The following TNNI3K variants were observed in gnomAD, a reference collection of about 807,000 sequenced individuals.
TNNI3K encodes TNNI3 interacting kinase, also known as serine/threonine-protein kinase TNNI3K.
Under a neutral mutation model 114.5 loss-of-function variants are expected in TNNI3K, and 140 were observed. That is an observed-to-expected ratio of 1.22 (90% CI 1.07 to 1.41). The LOEUF (loss-of-function observed/expected upper bound fraction) is 1.41, where lower values mean the gene tolerates loss of function less well. Among genes scored for constraint, TNNI3K ranks in the 40% most tolerant of loss-of-function variants. The probability of loss-of-function intolerance (pLI) is 0.00; values close to 1 mark genes in which losing one functional copy is unlikely to be tolerated. For synonymous variants in TNNI3K, 347 were observed against 347.5 expected (o/e 1.00, Z 0.02); for missense variants, 1,125 against 1,007.6 (o/e 1.12, Z -1.58).
intron 4 of TNNI3K, among the ~76,000 whole-genome samples, chr1:74,265,019 A>G (rs1411410130): frequency 6.6e-6 from 1 of 152,054 alleles, no homozygotes; most frequent in African/African-American, 2.4e-5. Flanking sequence ...AATTATTAGC[A>G]GCTGAAGGGT....
At chr1:74,242,648 T>G (rs1654314817) in intron 2 of TNNI3K, among the ~76,000 whole-genome samples, 1 of 152,100 alleles carries the variant, frequency 6.6e-6, no homozygotes, top group African/African-American at 2.4e-5. Flanking sequence ...TTTTGCCAAT[T>G]AGCCACAAAA....
chr1:74,359,511 T>TGTG (rs1308878085), intron 11 of TNNI3K, among the ~76,000 whole-genome samples: 4 of 152,004 alleles, frequency 2.6e-5, no homozygotes, highest in African/African-American at 9.7e-5. Context: ...TAAAAGTGTG[T>TGTG]GTTGTTTTGT....
chr1:74,355,018 C>G (rs1474592675), intron 11 of TNNI3K, among the ~76,000 whole-genome samples: 1 of 152,074 alleles, frequency 6.6e-6, no homozygotes, highest in East Asian at 1.9e-4. Flanking sequence ...TCTCCATATA[C>G]ACATACACTC....
intron 11 of TNNI3K, 77 bp downstream of exon 11, chr1:74,354,206 A>G: frequency 6.3e-7 from 1 of 1,576,690 alleles, no homozygotes; most frequent in South Asian, 1.2e-5. Flanking sequence ...ATCAATAATT[A>G]CTTTGCTTGC....
At chr1:74,439,293 G>A (rs2100669209) in intron 19 of TNNI3K, 197 bp from the exon 20 acceptor site, 2 of 683,414 alleles carry the variant, frequency 2.9e-6, no homozygotes, top group South Asian at 5.9e-5. Context: ...GAACTGAACA[G>A]CCACAGTAAA....
chr1:74,533,373 C>T (rs1343902025), intron 23 of TNNI3K, among the ~76,000 whole-genome samples: 1 of 152,178 alleles, frequency 6.6e-6, no homozygotes, highest in East Asian at 1.9e-4. Context: ...TACCATCTCA[C>T]ACCAGTTAGA....
rs1646710297 is a variant in TNNI3K at position 74,540,248 on chromosome 1, C to T, written c.2366C>T (p.Ser789Phe). 1 of 1,612,234 alleles carries T rather than the reference C, an allele frequency of 6.2e-7. No homozygotes were observed. The highest frequency in any genetic ancestry group is 8.5e-7 in the Non-Finnish European group (1 of 1,178,932). The change falls in exon 24 of 25, where the codon TCC becomes TTC. Residue 789 changes from serine to phenylalanine, a missense_variant. Ser to Phe is a radical substitution (Grantham distance 155). Transcript: ENST00000326637. ...TAATTTTCCAGTGCTGGACAATATT[C>T]CTCTCAAGGTCTGTCTTTGGAGGAG... is the stretch of plus-strand genomic sequence containing the variant. ...AALSQSAGQY[S>F]SQGLSLEEMK... is the part of the protein sequence containing the mutation.
At chr1:74,400,548 CT>C (rs1432364772) in intron 17 of TNNI3K, among the ~76,000 whole-genome samples, 3 of 152,174 alleles carry the variant, frequency 2.0e-5, no homozygotes, top group African/African-American at 4.8e-5. Context: ...CATGTTGGCT[CT>C]ATACTAGGAC....
At chr1:74,439,378 C>A in intron 19 of TNNI3K, 112 bp from the exon 20 acceptor site, 1 of 1,476,876 alleles carries the variant, frequency 6.8e-7, no homozygotes, top group Non-Finnish European at 9.1e-7. Flanking sequence ...TATATTTATG[C>A]CTTTTGAGAG....
chr1:74,247,667 G>T (rs1654660595), intron 2 of TNNI3K, among the ~76,000 whole-genome samples: 1 of 152,216 alleles, frequency 6.6e-6, no homozygotes, highest in Admixed American at 6.5e-5. Flanking sequence ...CCTCTAGCTA[G>T]ACATAAAAGT....
At chr1:74,339,946 C>G (rs982912179) in intron 7 of TNNI3K, among the ~76,000 whole-genome samples, 3 of 152,014 alleles carry the variant, frequency 2.0e-5, no homozygotes, top group African/African-American at 7.2e-5. Context: ...ATCCTTGCAA[C>G]TGGACAGAGC....
At chr1:74,415,591 G>C (rs1367373784) in intron 17 of TNNI3K, among the ~76,000 whole-genome samples, 2 of 151,820 alleles carry the variant, frequency 1.3e-5, no homozygotes, top group African/African-American at 4.8e-5. Context: ...GTCTCTAATA[G>C]AATCACATTT....
intron 5 of TNNI3K, among the ~76,000 whole-genome samples, chr1:74,320,769 C>A (rs1659563914): frequency 1.3e-5 from 2 of 152,190 alleles, no homozygotes; most frequent in East Asian, 3.9e-4. Context: ...TCCAACTCAC[C>A]TTTTGAGTGT....
chr1:74,421,403 A>T (rs575634471), intron 17 of TNNI3K, among the ~76,000 whole-genome samples: 2 of 152,162 alleles, frequency 1.3e-5, no homozygotes, highest in African/African-American at 4.8e-5. Context: ...TTACAGACTT[A>T]TTCCTTAATC....
intron 4 of TNNI3K, among the ~76,000 whole-genome samples, chr1:74,259,409 T>G (rs1391066267): frequency 6.6e-6 from 1 of 152,174 alleles, no homozygotes; most frequent in Non-Finnish European, 1.5e-5. Flanking sequence ...CCCTCTACCT[T>G]TTAGTTCTAT....
At chr1:74,310,126 C>G (rs1183348979) in intron 5 of TNNI3K, among the ~76,000 whole-genome samples, 2 of 152,066 alleles carry the variant, frequency 1.3e-5, no homozygotes, top group Non-Finnish European at 2.9e-5. Flanking sequence ...GGATACAAAA[C>G]TAACATACAA....
At chr1:74,294,154 G>C (rs1407859574) in intron 5 of TNNI3K, among the ~76,000 whole-genome samples, 1 of 151,656 alleles carries the variant, frequency 6.6e-6, no homozygotes, top group East Asian at 1.9e-4. Flanking sequence ...TGTTTTGATA[G>C]ATTCTTGATA....
At chr1:74,245,563 G>A (rs1654500325) in intron 2 of TNNI3K, among the ~76,000 whole-genome samples, 2 of 152,152 alleles carry the variant, frequency 1.3e-5, no homozygotes, top group Admixed American at 1.3e-4. Flanking sequence ...ATAGTATTTG[G>A]TGAGTGAGCC....
intron 20 of TNNI3K, among the ~76,000 whole-genome samples, chr1:74,445,377 C>G (rs1345802139): frequency 3.9e-5 from 4 of 103,696 alleles, no homozygotes; most frequent in South Asian, 4.6e-4. Context: ...CCCCTCCCCC[C>G]ACCCCACAAC....
Sources: gnomAD v4.1 joint callset for allele counts (sites outside exome capture counted in the v4.1 genomes callset) on GRCh38, gnomAD v4.1.1 for gene constraint, MANE v1.5 for transcripts, NCBI Gene and HGNC (gene_info 2026-07-23, HGNC 2026-07-21) for gene names.